The following COL23A1 variants were observed in gnomAD, a reference collection of about 807,000 sequenced individuals.
COL23A1 encodes the protein collagen type XXIII alpha 1 chain, also known as collagen alpha-1(XXIII) chain.
COL23A1 carries 97 observed loss-of-function variants against 99.3 expected under a neutral mutation model. The ratio of observed to expected loss-of-function variants is 0.98; its 90% CI spans 0.83 to 1.16. The LOEUF is 1.16. Ranked by LOEUF, COL23A1 falls within the 50% of genes most tolerant of loss-of-function variation. COL23A1 has a pLI of 0.00. For missense variants in COL23A1, 762 were observed against 757.4 expected, an observed-to-expected ratio of 1.01 and a Z score of -0.07; for synonymous variants, 320 against 308.2, an observed-to-expected ratio of 1.04 and a Z score of -0.40.
At chr5:178,386,590 G>T (rs539494788) in intron 2 of COL23A1, among the ~76,000 whole-genome samples, 4 of 152,186 alleles carry the variant, frequency 2.6e-5, no homozygotes, top group Non-Finnish European at 5.9e-5. Context: ...CCAGAGGGGG[G>T]TCGGGGTGGG....
At chr5:178,523,197 T>TAGAGAGAG (rs1416631747) in intron 2 of COL23A1, among the ~76,000 whole-genome samples, 24 of 73,742 alleles carry the variant, frequency 3.3e-4, no homozygotes, top group Non-Finnish European at 4.4e-4. Flanking sequence ...TATATATATA[T>TAGAGAGAG]ATATAGAGAG....
chr5:178,277,293 G>C (rs530047043), intron 5 of COL23A1, among the ~76,000 whole-genome samples: 1 of 152,216 alleles, frequency 6.6e-6, no homozygotes, highest in Non-Finnish European at 1.5e-5. Flanking sequence ...TTAAACCGTG[G>C]AGGTTGAGGC....
At chr5:178,559,692 C>G (rs866846573) in intron 2 of COL23A1, among the ~76,000 whole-genome samples, 2 of 140,950 alleles carry the variant, frequency 1.4e-5, no homozygotes, top group African/African-American at 5.5e-5. Context: ...TTTCCCTGCA[C>G]GTCGAGAAGT....
chr5:178,442,936 G>C (rs1766957223), intron 2 of COL23A1: 1 of 152,310 alleles, frequency 6.6e-6, no homozygotes, highest in Admixed American at 6.5e-5. Context: ...CGAACCTTCG[G>C]CTGACTCCAG....
In COL23A1 at chr5:178,491,174, G is replaced by A. The variant is rs375434095; in HGVS notation, c.361+69508C>T. 2.6e-5 allele frequency among the ~76,000 whole-genome samples: 4 copies of A among 151,868 alleles called. No homozygotes were observed. In the East Asian group the frequency reaches 5.8e-4, roughly 22 times the overall value. ...GAGAAGAGAGAGAAAGGGAAAGAGA[G>A]AGAAGAGAACGAGGAGGGGGGAGAT... On this transcript the variant is annotated intron_variant, in intron 2 of 28. Transcript: ENST00000390654.
intron 2 of COL23A1, among the ~76,000 whole-genome samples, chr5:178,375,475 C>G (rs1439347149): frequency 6.6e-6 from 1 of 152,236 alleles, no homozygotes; most frequent in Non-Finnish European, 1.5e-5. Context: ...TCTCGGAACC[C>G]TGCAATGACT....
At chr5:178,463,106 T>C (rs1322511449) in intron 2 of COL23A1, among the ~76,000 whole-genome samples, 2 of 152,214 alleles carry the variant, frequency 1.3e-5, no homozygotes, top group Admixed American at 6.5e-5. Flanking sequence ...AAGGGAACTA[T>C]TTTTTTAAGT....
intron 2 of COL23A1, among the ~76,000 whole-genome samples, chr5:178,372,575 T>C (rs1762856242): frequency 6.6e-6 from 1 of 152,120 alleles, no homozygotes; most frequent in African/African-American, 2.4e-5. Context: ...GCTTCCGATT[T>C]CTTTTTTCCT....
At chr5:178,304,226 T>C (rs1220601964) in intron 3 of COL23A1, among the ~76,000 whole-genome samples, 2 of 152,078 alleles carry the variant, frequency 1.3e-5, no homozygotes, top group African/African-American at 4.8e-5. Context: ...AGAGCCTTTC[T>C]CTGTGGGCGC....
chr5:178,258,222 A>G (rs554257696), intron 12 of COL23A1, among the ~76,000 whole-genome samples: 187 of 123,502 alleles, frequency 1.5e-3, no homozygotes, highest in Non-Finnish European at 2.1e-3. Context: ...TGACAGAGTG[A>G]GATCCTGTCT....
At chr5:178,250,854 G>A (rs6894388) in intron 17 of COL23A1, among the ~76,000 whole-genome samples, 111,554 of 151,512 alleles carry the variant, frequency 0.74, 41,324 homozygotes, top group Middle Eastern at 0.86. Flanking sequence ...GGTGGCACAG[G>A]CCTGTAATAC....
intron 2 of COL23A1, among the ~76,000 whole-genome samples, chr5:178,404,733 A>G (rs1190906535): frequency 1.3e-5 from 2 of 152,090 alleles, no homozygotes; most frequent in Non-Finnish European, 2.9e-5. Context: ...TCAGAGATGC[A>G]GAGGCTCACG....
intron 2 of COL23A1, among the ~76,000 whole-genome samples, chr5:178,414,456 C>T (rs1765202298): frequency 6.6e-6 from 1 of 151,646 alleles, no homozygotes; most frequent in Admixed American, 6.6e-5. Flanking sequence ...ACCACTTCTC[C>T]AAAGGCAGGT....
intron 2 of COL23A1, among the ~76,000 whole-genome samples, chr5:178,483,331 C>A (rs1036629515): frequency 2.0e-5 from 3 of 151,896 alleles, no homozygotes; most frequent in Non-Finnish European, 4.4e-5. Context: ...AAAAAAAAAT[C>A]TTGAATGGTA....
chr5:178,381,877 C>T (rs140209501), intron 2 of COL23A1, among the ~76,000 whole-genome samples: 21 of 152,344 alleles, frequency 1.4e-4, no homozygotes, highest in African/African-American at 4.8e-4. Context: ...CTCAAACCAT[C>T]CTTCCGCCTC....
intron 2 of COL23A1, among the ~76,000 whole-genome samples, chr5:178,368,657 C>G (rs1762627422): frequency 6.7e-6 from 1 of 149,720 alleles, no homozygotes; most frequent in Admixed American, 6.6e-5. Context: ...AGCCTGGCCT[C>G]CAGAAGCCAT....
At chr5:178,402,810 C>T (rs145994763) in intron 2 of COL23A1, among the ~76,000 whole-genome samples, 10 of 152,160 alleles carry the variant, frequency 6.6e-5, no homozygotes, top group East Asian at 3.9e-4. Flanking sequence ...CAAAATATCA[C>T]GTTTCCTCCA....
At chr5:178,435,185 G>A (rs1766490332) in intron 2 of COL23A1, among the ~76,000 whole-genome samples, 2 of 152,178 alleles carry the variant, frequency 1.3e-5, no homozygotes, top group African/African-American at 4.8e-5. Context: ...ACCAGATCCT[G>A]GAGTCCGGGA....
intron 5 of COL23A1, among the ~76,000 whole-genome samples, chr5:178,284,939 G>A (rs931693725): frequency 1.3e-5 from 2 of 152,194 alleles, no homozygotes; most frequent in Non-Finnish European, 1.5e-5. Flanking sequence ...ACTTATCTGT[G>A]AGTGGCAGAA....
Sources: gnomAD v4.1 joint callset for allele counts (sites outside exome capture counted in the v4.1 genomes callset) on GRCh38, gnomAD v4.1.1 for gene constraint, MANE v1.5 for transcripts, NCBI Gene and HGNC (gene_info 2026-07-23, HGNC 2026-07-21) for gene names.